Variants in SH3GL3 observed in about 807,000 individuals in gnomAD.
The protein encoded by SH3GL3 is SH3 domain containing GRB2 like 3, endophilin A3, also known as endophilin-A3.
SH3GL3 carries 33 observed loss-of-function variants against 47.7 expected under a neutral mutation model. That is an observed-to-expected ratio of 0.69 (90% confidence interval 0.52 to 0.92). The LOEUF is 0.92. Among genes scored for constraint, SH3GL3 ranks in the 40% least tolerant of loss-of-function variants. The probability of loss-of-function intolerance (pLI) is 0.00; values close to 1 mark genes in which losing one functional copy is unlikely to be tolerated. For missense variants in SH3GL3, 363 were observed against 417.8 expected (o/e 0.87, Z 1.14); for synonymous variants, 155 against 148.8 (o/e 1.04, Z -0.30).
chr15:83,574,241 G>A (rs1596291189), intron 5 of SH3GL3, among the ~76,000 whole-genome samples: 1 of 152,156 alleles, frequency 6.6e-6, no homozygotes, highest in African/African-American at 2.4e-5. Flanking sequence ...AAAGCAAAGG[G>A]TATGAGGGAG....
At chr15:83,468,904 G>A (rs2040706789) in intron 1 of SH3GL3, among the ~76,000 whole-genome samples, 1 of 150,214 alleles carries the variant, frequency 6.7e-6, no homozygotes, top group Admixed American at 6.6e-5. Context: ...GTGTAGAATT[G>A]GTATTAATTC....
chr15:83,534,635 C>T (rs571870256), intron 1 of SH3GL3, among the ~76,000 whole-genome samples: 1 of 152,038 alleles, frequency 6.6e-6, no homozygotes, highest in African/African-American at 2.4e-5. Context: ...TAAAAATTAA[C>T]TCCAGGTCCT....
At chr15:83,516,338 C>A (rs1712044416) in intron 1 of SH3GL3, among the ~76,000 whole-genome samples, 1 of 152,158 alleles carries the variant, frequency 6.6e-6, no homozygotes, top group Non-Finnish European at 1.5e-5. Context: ...TCTTTCCCAG[C>A]AAAATAACGA....
At chr15:83,483,656 C>G (rs957452884) in intron 1 of SH3GL3, among the ~76,000 whole-genome samples, 1 of 152,164 alleles carries the variant, frequency 6.6e-6, no homozygotes, top group Admixed American at 6.5e-5. Flanking sequence ...CCTTGCTATG[C>G]CAAGAGTTCC....
At chr15:83,554,804 G>A (rs562740289) in intron 1 of SH3GL3, among the ~76,000 whole-genome samples, 7 of 152,160 alleles carry the variant, frequency 4.6e-5, no homozygotes, top group Non-Finnish European at 7.3e-5. Context: ...TTTCCCCTGC[G>A]ATAGTTTTAG....
rs905341889 is a variant in SH3GL3 at position 83,573,622 on chromosome 15, T to A, written c.465+924T>A. 3.9e-5 allele frequency among the ~76,000 whole-genome samples: 6 copies of A among 152,222 alleles called. No individual in the cohort carries two copies. The South Asian group carries it at 6.2e-4, about 16-fold the overall frequency. The stretch of plus-strand genomic sequence containing the variant: ...TGTGAACCCCCACTGGTCTAGCCTA[T>A]GTGACAGAGATGAGGCTGGTGGGAT... On this transcript the variant is annotated intron_variant, in intron 5 of 8. Coordinates refer to ENST00000427482, the MANE Select transcript of SH3GL3 (RefSeq NM_003027.5).
At chr15:83,599,586 C>T (rs893846897) in intron 8 of SH3GL3, among the ~76,000 whole-genome samples, 2 of 152,092 alleles carry the variant, frequency 1.3e-5, no homozygotes, top group Admixed American at 1.3e-4. Context: ...GTTTTTTTAT[C>T]CACTCATTGA....
intron 1 of SH3GL3, among the ~76,000 whole-genome samples, chr15:83,511,323 A>C (rs1323172267): frequency 6.6e-6 from 1 of 152,158 alleles, no homozygotes; most frequent in Non-Finnish European, 1.5e-5. Context: ...GTGTGCAGTC[A>C]CAGAACCCTC....
chr15:83,591,811 G>A (rs912650800), intron 8 of SH3GL3, among the ~76,000 whole-genome samples: 41 of 152,146 alleles, frequency 2.7e-4, no homozygotes, highest in Admixed American at 9.8e-4. Context: ...TCGGCCCCCC[G>A]AGTAGCTGAG....
intron 1 of SH3GL3, among the ~76,000 whole-genome samples, chr15:83,506,255 T>C (rs1467323561): frequency 6.6e-6 from 1 of 152,216 alleles, no homozygotes; most frequent in Non-Finnish European, 1.5e-5. Flanking sequence ...TCATCTGAAA[T>C]TTTTTTAAAG....
intron 1 of SH3GL3, among the ~76,000 whole-genome samples, chr15:83,541,424 C>T (rs1266750305): frequency 1.4e-5 from 2 of 144,700 alleles, no homozygotes; most frequent in East Asian, 2.1e-4. Context: ...AGCTCCGCCT[C>T]CCGGGTTCAC....
At chr15:83,497,085 A>T (rs2042110291) in intron 1 of SH3GL3, among the ~76,000 whole-genome samples, 1 of 152,292 alleles carries the variant, frequency 6.6e-6, no homozygotes, top group South Asian at 2.1e-4. Flanking sequence ...GTCTGCCAGG[A>T]ACTGCTGGAG....
At chr15:83,474,859 T>A (rs764024069) in intron 1 of SH3GL3, among the ~76,000 whole-genome samples, 1 of 152,104 alleles carries the variant, frequency 6.6e-6, no homozygotes, top group Non-Finnish European at 1.5e-5. Context: ...TGATACAGAT[T>A]TGACGATGCT....
chr15:83,629,265 C>A, the SH3GL3 span, among the ~76,000 whole-genome samples: 1 of 151,916 alleles, frequency 6.6e-6, no homozygotes. Context: ...CTAGAATAGC[C>A]AAAACAAAGA....
intron 6 of SH3GL3, among the ~76,000 whole-genome samples, chr15:83,581,315 T>C (rs1251544268): frequency 6.6e-6 from 1 of 152,182 alleles, no homozygotes; most frequent in Admixed American, 6.5e-5. Flanking sequence ...CTCTGCATTC[T>C]CCCAACTGAG....
intron 1 of SH3GL3, among the ~76,000 whole-genome samples, chr15:83,532,198 T>C (rs1567309009): frequency 1.3e-5 from 2 of 152,228 alleles, no homozygotes; most frequent in Admixed American, 6.5e-5. Context: ...TGAGGTATCT[T>C]TGGAATATCT....
intron 1 of SH3GL3, among the ~76,000 whole-genome samples, chr15:83,537,429 C>G (rs1004571214): frequency 6.6e-6 from 1 of 152,158 alleles, no homozygotes; most frequent in Non-Finnish European, 1.5e-5. Context: ...TACAGTAATA[C>G]TTACAAGGCA....
chr15:83,556,775 T>C (rs983021892), intron 1 of SH3GL3, among the ~76,000 whole-genome samples: 2 of 152,140 alleles, frequency 1.3e-5, no homozygotes, highest in Non-Finnish European at 2.9e-5. Context: ...GGGTCAGCAA[T>C]TTGGGCTGGG....
At chr15:83,605,643 G>A (rs1486153887) in intron 8 of SH3GL3, among the ~76,000 whole-genome samples, 1 of 152,068 alleles carries the variant, frequency 6.6e-6, no homozygotes, top group African/African-American at 2.4e-5. Flanking sequence ...TCATTGCTAG[G>A]TAGTTAAGAG....
Sources: allele counts gnomAD v4.1 joint callset (sites outside exome capture counted in the v4.1 genomes callset), GRCh38; gene constraint gnomAD v4.1.1; transcripts MANE v1.5; gene names NCBI Gene and HGNC (gene_info 2026-07-23, HGNC 2026-07-21).